The following MAST4 variants were observed in gnomAD, a reference collection of about 807,000 sequenced individuals.
The protein encoded by MAST4 is microtubule associated serine/threonine kinase family member 4.
A neutral mutation model predicts 162.7 loss-of-function variants in MAST4; 89 were observed. The observed-to-expected ratio is 0.55, with a 90% CI of 0.46 to 0.65. The LOEUF is 0.65. MAST4 is among the 30% of genes least tolerant of loss of function. The pLI, the probability that MAST4 is intolerant of heterozygous loss-of-function variation, is 0.00. For missense variants in MAST4, 3,153 were observed against 3,374.0 expected (o/e 0.93, Z 1.62); for synonymous variants, 1,479 against 1,361.1 (o/e 1.09, Z -1.91).
chr5:66,741,730 A>G (rs1005211827), intron 1 of MAST4, among the ~76,000 whole-genome samples: 3 of 152,180 alleles, frequency 2.0e-5, no homozygotes, highest in Non-Finnish European at 2.9e-5. Flanking sequence ...AAAGAACCCC[A>G]TAGCCCTGGT....
chr5:66,703,932 A>G (rs1580243182), intron 1 of MAST4, among the ~76,000 whole-genome samples: 1 of 152,244 alleles, frequency 6.6e-6, no homozygotes, highest in East Asian at 1.9e-4. Flanking sequence ...ACAACAAACA[A>G]CATTACCTTG....
chr5:66,953,135 C>T (rs1031070706), intron 4 of MAST4, among the ~76,000 whole-genome samples: 9 of 152,186 alleles, frequency 5.9e-5, no homozygotes, highest in African/African-American at 2.2e-4. Context: ...CATACACATT[C>T]ACCTTCTTTG....
intron 1 of MAST4, among the ~76,000 whole-genome samples, chr5:66,716,327 TCTC>T (rs1750835309): frequency 2.0e-5 from 3 of 146,994 alleles, no homozygotes; most frequent in Admixed American, 6.6e-5. Context: ...AGATTTGATC[TCTC>T]TCTCTATGTG....
intron 8 of MAST4, among the ~76,000 whole-genome samples, chr5:67,101,490 T>G (rs1364665647): frequency 6.6e-6 from 1 of 152,188 alleles, no homozygotes; most frequent in African/African-American, 2.4e-5. Context: ...GGGCAACAGG[T>G]CCTTCTTTGA....
intron 5 of MAST4, among the ~76,000 whole-genome samples, chr5:67,074,259 C>T (rs12519832): frequency 6.6e-6 from 1 of 151,950 alleles, no homozygotes; most frequent in Admixed American, 6.5e-5. Context: ...CATCAGTTTC[C>T]ACTTGATTTG....
chr5:67,085,175 A>T (rs896065703), intron 5 of MAST4, among the ~76,000 whole-genome samples: 2 of 152,052 alleles, frequency 1.3e-5, no homozygotes, highest in African/African-American at 4.8e-5. Flanking sequence ...CCATATACCC[A>T]TTTGCTTCTA....
chr5:66,924,953 T>G (rs570948009), intron 4 of MAST4, among the ~76,000 whole-genome samples: 1 of 152,344 alleles, frequency 6.6e-6, no homozygotes, highest in Admixed American at 6.5e-5. Flanking sequence ...GTGAAAATTC[T>G]TAGATCATAA....
intron 3 of MAST4, among the ~76,000 whole-genome samples, chr5:66,852,353 C>A (rs1270892058): frequency 6.6e-6 from 1 of 152,096 alleles, no homozygotes; most frequent in African/African-American, 2.4e-5. Context: ...CCATGTTGCC[C>A]AGGGTGGTCT....
rs528306013 is a variant in MAST4, at chr5:67,042,818, C to A, written c.675-11586C>A. Reference sequence around the variant, plus strand: ...ACAAAACATGCTGAACAGAAAGACACTGGCTTTTTGCCACATGACTTCTCA... The same window carrying A: ...ACAAAACATGCTGAACAGAAAGACAATGGCTTTTTGCCACATGACTTCTCA... On this transcript the variant is annotated intron_variant, in intron 4 of 28. Coordinates refer to ENST00000403625, the MANE Select transcript of MAST4 (RefSeq NM_001164664.2). Among the ~76,000 whole-genome samples the A allele has an allele frequency of 3.3e-5, 5 of 152,328 alleles. No homozygotes were observed. In the East Asian group the frequency reaches 9.6e-4, roughly 29 times the overall value.
At chr5:67,096,837 A>G (rs538258076) in intron 7 of MAST4, among the ~76,000 whole-genome samples, 1 of 152,272 alleles carries the variant, frequency 6.6e-6, no homozygotes, top group East Asian at 1.9e-4. Context: ...TTGTCCATTT[A>G]GATCATATTT....
At chr5:67,098,058 A>G (rs983994230) in intron 7 of MAST4, among the ~76,000 whole-genome samples, 1 of 152,298 alleles carries the variant, frequency 6.6e-6, no homozygotes, top group Admixed American at 6.5e-5. Context: ...CATTTAGCCA[A>G]TCAGAAATTT....
chr5:66,768,667 A>C, intron 2 of MAST4, among the ~76,000 whole-genome samples: 1 of 152,162 alleles, frequency 6.6e-6, no homozygotes, highest in Non-Finnish European at 1.5e-5. Flanking sequence ...GTATGGCTAT[A>C]AAAGGGCAAC....
In MAST4 at chr5:66,744,975, T is replaced by G. The variant is rs568037133; in HGVS notation, c.364-14734T>G. Among the ~76,000 whole-genome samples, 12 of 152,172 alleles carry G rather than the reference T, an allele frequency of 7.9e-5. No homozygotes were observed. The South Asian group carries it at 2.5e-3, about 32-fold the overall frequency. On this transcript the variant is annotated intron_variant, in intron 1 of 28. Transcript: ENST00000403625. ...GTTTTCCTTTATAGTTCTGAAAAAA[T>G]GTACTAGGCTAAGAAAGCATAGGGA...
chr5:66,814,476 C>T (rs1756627938), intron 3 of MAST4, among the ~76,000 whole-genome samples: 1 of 152,136 alleles, frequency 6.6e-6, no homozygotes, highest in Non-Finnish European at 1.5e-5. Context: ...CAGAGCATCA[C>T]CTTCTAGAGC....
intron 1 of MAST4, chr5:66,662,931 C>T (rs1747002464): frequency 6.6e-6 from 1 of 152,264 alleles, no homozygotes; most frequent in South Asian, 2.1e-4. Flanking sequence ...ACCTCAGCCT[C>T]CCAGGTTCAA....
intron 3 of MAST4, among the ~76,000 whole-genome samples, chr5:66,849,261 T>C (rs1173229798): frequency 6.6e-6 from 1 of 152,152 alleles, no homozygotes; most frequent in Non-Finnish European, 1.5e-5. Context: ...TTCTGGTTCA[T>C]ACCCCAATTC....
At chr5:66,787,797 G>A (rs930111655) in intron 2 of MAST4, among the ~76,000 whole-genome samples, 1 of 152,120 alleles carries the variant, frequency 6.6e-6, no homozygotes, top group Non-Finnish European at 1.5e-5. Context: ...TCATCATTTA[G>A]TAAATATTTA....
At chr5:67,118,452 C>G (rs1767180632) in intron 12 of MAST4, among the ~76,000 whole-genome samples, 3 of 152,286 alleles carry the variant, frequency 2.0e-5, no homozygotes. Flanking sequence ...TCTAAAGTTC[C>G]TATGTCTAGG....
intron 4 of MAST4, chr5:66,917,224 A>T: frequency 8.2e-6 from 4 of 486,690 alleles, no homozygotes; most frequent in South Asian, 7.7e-5. Flanking sequence ...TCATATGTTT[A>T]CTCTTCATTT....
Sources: allele counts gnomAD v4.1 joint callset (sites outside exome capture counted in the v4.1 genomes callset), GRCh38; gene constraint gnomAD v4.1.1; transcripts MANE v1.5; gene names NCBI Gene and HGNC (gene_info 2026-07-23, HGNC 2026-07-21).